Variants in PLEKHA6 observed in about 807,000 individuals in gnomAD.
PLEKHA6 encodes pleckstrin homology domain containing A6, also known as pleckstrin homology domain-containing family A member 6.
Under a neutral mutation model 116.7 loss-of-function variants are expected in PLEKHA6, and 60 were observed. That is an observed-to-expected ratio of 0.51 (90% CI 0.42 to 0.64). The LOEUF is 0.64. PLEKHA6 is among the 30% of genes least tolerant of loss of function. The pLI, the probability that PLEKHA6 is intolerant of heterozygous loss-of-function variation, is 0.00. For synonymous variants in PLEKHA6, 489 were observed against 556.1 expected, an observed-to-expected ratio of 0.88 and a Z score of 1.70; for missense variants, 1,338 against 1,422.7, an observed-to-expected ratio of 0.94 and a Z score of 0.96.
In PLEKHA6 at chr1:204,223,428, C is replaced by T. The variant is rs1328020016; in HGVS notation, c.*8+34G>A. The T allele has an allele frequency of 9.7e-6, 12 of 1,232,524 alleles. No individual in the cohort carries two copies. Among genetic ancestry groups the T allele is most frequent in the Middle Eastern group, 1.9e-4 (1 of 5,340 alleles). 76.3% of individuals were successfully genotyped at this position (1,232,524 alleles called of 1,614,324 possible). A position where few individuals can be genotyped will look rare whatever the true frequency, so the allele number is the denominator to read the frequency against. On this transcript the variant is annotated intron_variant, in intron 22 of 22. Transcript: ENST00000272203. This position sits in a 1 kb window ranked among gnomAD's most constrained non-coding sequence, Gnocchi z 4.8. ...GGGGTGAAGGAAGGGGCCCCACTCC[C>T]GAGGTGGATGAAATACAGTAGAAAA...
intron 3 of PLEKHA6, among the ~76,000 whole-genome samples, chr1:204,365,505 C>T (rs577144829): frequency 6.6e-6 from 1 of 152,218 alleles, no homozygotes; most frequent in South Asian, 2.1e-4. Context: ...AGGGTATCTC[C>T]GAGGGCTCTG....
intron 17 of PLEKHA6, among the ~76,000 whole-genome samples, chr1:204,235,634 T>G (rs1661933150): frequency 6.6e-6 from 1 of 152,124 alleles, no homozygotes; most frequent in Admixed American, 6.5e-5. Flanking sequence ...GTGAGGGCAT[T>G]GATTGGAAAA....
Position 204,229,104 on chromosome 1 carries a change from C to G in PLEKHA6, c.2584G>C (p.Val862Leu), listed in dbSNP as rs1385610945. The G allele has an allele frequency of 6.2e-7, 1 of 1,611,772 alleles. No homozygotes were observed. The highest frequency in any genetic ancestry group is 8.5e-7 in the Non-Finnish European group (1 of 1,179,676). The change falls in exon 19 of 23, where the codon GTG becomes CTG. Residue 862 changes from valine (V) to leucine (L), a missense_variant and splice_region_variant. Transcript: ENST00000272203. ...TCATGGATGCTGCGGTGGCGGCGCA[C>G]CTAGGGGACAGCAGCATCGTGATTG... is the stretch of plus-strand genomic sequence containing the variant. Reference protein sequence around the residue: ...DPSPRPAYKVVRRHRSIHEVD... With the variant: ...DPSPRPAYKVLRRHRSIHEVD...
intron 1 of PLEKHA6, among the ~76,000 whole-genome samples, chr1:204,316,425 G>C (rs1212031520): frequency 1.3e-5 from 2 of 152,192 alleles, no homozygotes; most frequent in Non-Finnish European, 2.9e-5. Flanking sequence ...TAGGGACACG[G>C]GAGAAATGCT....
chr1:204,347,396 G>A (rs1673101421), intron 1 of PLEKHA6: 1 of 550,726 alleles, frequency 1.8e-6, no homozygotes, highest in East Asian at 3.2e-5. Context: ...CCTAAACACT[G>A]CTGTTATCCT....
intron 17 of PLEKHA6, among the ~76,000 whole-genome samples, chr1:204,240,563 G>A (rs1662665867): frequency 6.6e-6 from 1 of 152,152 alleles, no homozygotes; most frequent in Non-Finnish European, 1.5e-5. Context: ...CCTCACATAA[G>A]CATTGAAGTA....
chr1:204,238,791 T>G lies in PLEKHA6; in HGVS notation c.2409+2584A>C, dbSNP rs1662409397. Among the ~76,000 whole-genome samples, 1 of 152,152 alleles carries G rather than the reference T, an allele frequency of 6.6e-6. No individual in the cohort carries two copies. The highest frequency in any genetic ancestry group is 1.5e-5 in the Non-Finnish European group (1 of 68,032). Reference sequence around the variant, plus strand: ...AAGATATGCAGGCACCACCCGAAAGTAGACAGCTGCAGCACTACAGCCCCT... The same window carrying G: ...AAGATATGCAGGCACCACCCGAAAGGAGACAGCTGCAGCACTACAGCCCCT... On this transcript the variant is annotated intron_variant, in intron 17 of 22. Coordinates refer to ENST00000272203, the MANE Select transcript of PLEKHA6 (RefSeq NM_014935.5). This position sits in a 1 kb window ranked among gnomAD's most constrained non-coding sequence, Gnocchi z 4.2.
chr1:204,341,906 G>C (rs1490459804), intron 1 of PLEKHA6, among the ~76,000 whole-genome samples: 3 of 152,172 alleles, frequency 2.0e-5, no homozygotes, highest in Admixed American at 1.3e-4. Context: ...TGCATGAGTG[G>C]CCGGGTGCAG....
At chr1:204,373,812 C>A (rs1036700672) in intron 1 of PLEKHA6, among the ~76,000 whole-genome samples, 12 of 152,100 alleles carry the variant, frequency 7.9e-5, no homozygotes, top group Admixed American at 6.5e-5. Context: ...CTCTGATAAG[C>A]AGAGAAAAAA....
chr1:204,243,286 C>T (rs1373289201), intron 15 of PLEKHA6: 3 of 399,674 alleles, frequency 7.5e-6, no homozygotes, highest in Non-Finnish European at 1.3e-5. Context: ...GAAGCCAGAG[C>T]ATTAGGAGGA....
intron 6 of PLEKHA6, among the ~76,000 whole-genome samples, chr1:204,263,768 A>G (rs916388587): frequency 2.0e-5 from 3 of 151,846 alleles, no homozygotes; most frequent in African/African-American, 7.3e-5. Context: ...GTGTCTGTGT[A>G]TAACAGGACT....
At chr1:204,313,887 T>C (rs985140770) in intron 1 of PLEKHA6, among the ~76,000 whole-genome samples, 1 of 152,162 alleles carries the variant, frequency 6.6e-6, no homozygotes, top group African/African-American at 2.4e-5. Context: ...TGGAAAGGTC[T>C]CTATTGTTTG....
At chr1:204,317,208 T>C (rs1671893421) in intron 1 of PLEKHA6, 4 of 971,146 alleles carry the variant, frequency 4.1e-6, no homozygotes, top group African/African-American at 1.8e-5. Context: ...GTACTGCTGA[T>C]AGAATACCAA....
intron 1 of PLEKHA6, among the ~76,000 whole-genome samples, chr1:204,332,040 G>C (rs1672472792): frequency 6.6e-6 from 1 of 152,182 alleles, no homozygotes; most frequent in Admixed American, 6.5e-5. Flanking sequence ...TCCAGGAAGA[G>C]AGACAAGTGG....
At position 204,259,625 on chromosome 1, in the gene PLEKHA6, G is replaced by A. The variant is rs746633886; in HGVS notation, c.640C>T (p.Arg214Ter). 6 of 1,614,090 alleles carry A rather than the reference G, an allele frequency of 3.7e-6. No individual in the cohort carries two copies. The highest frequency in any genetic ancestry group is 1.1e-5 in the South Asian group (1 of 91,074). ...CTTCTCTCTGCCTTCTCACAGCCTC[G>A]GCCATCACCCTCCCCTCGAGTCTTG... ...EAKTRGEGDG[R>*]GCEKAERRPE... The change falls in exon 8 of 23, where the codon CGA becomes TGA. Residue 214 changes from arginine (R) to a stop codon, truncating the protein, a stop_gained. Coordinates refer to ENST00000272203, the MANE Select transcript of PLEKHA6 (RefSeq NM_014935.5). LOFTEE classifies it high-confidence loss of function. The surrounding 1 kb of genome is among the most constrained non-coding windows in gnomAD (Gnocchi z 4.6).
At position 204,267,495 on chromosome 1, in the gene PLEKHA6, C is replaced by A; in HGVS notation, c.260G>T (p.Arg87Leu). 3 of 1,613,794 alleles carry A rather than the reference C, an allele frequency of 1.9e-6. No homozygotes were observed. Among genetic ancestry groups the A allele is most frequent in the Non-Finnish European group, 1.7e-6 (2 of 1,179,828 alleles). Residue 87 changes from arginine to leucine, a missense_variant, in exon 5 of 23, where the codon CGC (arginine) becomes CTC (leucine). Coordinates refer to ENST00000272203, the MANE Select transcript of PLEKHA6 (RefSeq NM_014935.5). The part of the protein sequence containing the change: ...WNKRWFVLVD[R>L]CLFYYKDEKE... The stretch of plus-strand genomic sequence containing the variant: ...CTCACCTTTATAGTAGAAGAGGCAG[C>A]GATCCACCAGGACGAACCAGCGCTT...
intron 18 of PLEKHA6, among the ~76,000 whole-genome samples, chr1:204,229,884 G>A (rs1387336841): frequency 6.6e-6 from 1 of 152,214 alleles, no homozygotes; most frequent in Non-Finnish European, 1.5e-5. Flanking sequence ...TAATAGCTGT[G>A]TAGCCCAGGA....
At chr1:204,234,699 T>G (rs557886723) in intron 17 of PLEKHA6, among the ~76,000 whole-genome samples, 1 of 152,118 alleles carries the variant, frequency 6.6e-6, no homozygotes, top group Admixed American at 6.6e-5. Flanking sequence ...GGAAGGCAGA[T>G]CCATCCTTAA....
At chr1:204,284,313 C>A (rs1268365084) in intron 1 of PLEKHA6, among the ~76,000 whole-genome samples, 2 of 152,192 alleles carry the variant, frequency 1.3e-5, no homozygotes, top group Non-Finnish European at 2.9e-5. Flanking sequence ...CCCAGGGAGA[C>A]CCATTCTGCC....
Sources: gnomAD v4.1 joint callset for allele counts (sites outside exome capture counted in the v4.1 genomes callset) on GRCh38, gnomAD v4.1.1 for gene constraint, Gnocchi (gnomAD v3.1) non-coding constraint, MANE v1.5 for transcripts, NCBI Gene and HGNC (gene_info 2026-07-23, HGNC 2026-07-21) for gene names.